ZCCHC14: variants seen among roughly 807,000 people sequenced by gnomAD.
The protein encoded by ZCCHC14 is zinc finger CCHC-type containing 14, also known as zinc finger CCHC domain-containing protein 14.
In ZCCHC14, 16 loss-of-function variants were observed where a neutral mutation model predicts 85.0. The observed-to-expected ratio is 0.19, with a 90% CI of 0.13 to 0.29. ZCCHC14 has a LOEUF of 0.29. Among genes scored for constraint, ZCCHC14 ranks in the 10% least tolerant of loss-of-function variants. ZCCHC14 has a pLI of 1.00. For synonymous variants in ZCCHC14, 775 were observed against 630.7 expected, an observed-to-expected ratio of 1.23 and a Z score of -3.43; for missense variants, 1,303 against 1,443.5, an observed-to-expected ratio of 0.90 and a Z score of 1.58.
At chr16:87,448,438 A>G (rs2150749562) in intron 2 of ZCCHC14, among the ~76,000 whole-genome samples, 1 of 152,264 alleles carries the variant, frequency 6.6e-6, no homozygotes, top group Admixed American at 6.5e-5. Flanking sequence ...CTCAGCACTC[A>G]GTCTGCCCTT....
At chr16:87,459,643 G>A (rs998031044) in intron 2 of ZCCHC14, among the ~76,000 whole-genome samples, 13 of 151,970 alleles carry the variant, frequency 8.6e-5, no homozygotes, top group African/African-American at 3.1e-4. Flanking sequence ...CCGAGTAGCT[G>A]GGATTACAGA....
In ZCCHC14 at chr16:87,407,367, CTT is replaced by C. The variant is rs1197895505; in HGVS notation, c.*2911_*2912del. ...ATATGCATTCAAGAAAATATTTTGT[CTT>C]TATTTTTATTACAAGTGCGCTAGCT... On this transcript the variant is annotated 3_prime_UTR_variant, in exon 13 of 13. Coordinates refer to ENST00000671377, the MANE Select transcript of ZCCHC14 (RefSeq NM_015144.3). 6.6e-6 allele frequency: 1 copy of C among 152,172 alleles called. No homozygotes were observed. The highest frequency in any genetic ancestry group is 1.5e-5 in the Non-Finnish European group (1 of 68,018). 9.4% of individuals were successfully genotyped at this position (152,172 alleles called of 1,614,324 possible). A position where few individuals can be genotyped will look rare whatever the true frequency, so the allele number is the denominator to read the frequency against.
chr16:87,426,264 G>A (rs1406794667), intron 3 of ZCCHC14, among the ~76,000 whole-genome samples: 1 of 152,198 alleles, frequency 6.6e-6, no homozygotes, highest in Admixed American at 6.5e-5. Flanking sequence ...GGCGGGAAGA[G>A]CATCCTCTTG....
chr16:87,461,422 C>T (rs926150188), intron 1 of ZCCHC14, among the ~76,000 whole-genome samples: 1 of 152,162 alleles, frequency 6.6e-6, no homozygotes, highest in South Asian at 2.1e-4. Flanking sequence ...TTCAAAATTT[C>T]GGAGGATATG....
At chr16:87,427,901 G>A (rs1909456721) in intron 3 of ZCCHC14, among the ~76,000 whole-genome samples, 3 of 151,700 alleles carry the variant, frequency 2.0e-5, no homozygotes, top group Non-Finnish European at 2.9e-5. Context: ...CACAGTGCTG[G>A]GATTTACAGG....
chr16:87,412,057 G>A lies in ZCCHC14; in HGVS notation c.2664C>T (p.Gly888=). ...SSFYSSSGGG[G]STGNIPASNP... Reference sequence around the variant, plus strand: ...TCGAGGCAGGAATGTTTCCTGTGGAGCCGCCACCGCCACTGCTGCTATAGA... The same window carrying A: ...TCGAGGCAGGAATGTTTCCTGTGGAACCGCCACCGCCACTGCTGCTATAGA... The change falls in exon 12 of 13, where the codon GGC becomes GGT. Residue 888 remains glycine (G), a synonymous_variant. Transcript: ENST00000671377. 1 of 1,610,086 alleles carries A rather than the reference G, an allele frequency of 6.2e-7. No individual in the cohort carries two copies. The highest frequency in any genetic ancestry group is 1.1e-5 in the South Asian group (1 of 91,084).
Position 87,412,208 on chromosome 16 carries a change from C to A in ZCCHC14, c.2513G>T (p.Cys838Phe). The change falls in exon 12 of 13, where the codon TGT becomes TTT. Residue 838 changes from cysteine (C) to phenylalanine (F), a missense_variant. Physicochemically the swap from Cys to Phe is radical, Grantham distance 205. Around this residue, in one of 7 missense-constraint regions of ZCCHC14, gnomAD observed 797 missense variants for 730.8 expected, o/e 1.09. Transcript: ENST00000671377. The stretch of plus-strand genomic sequence containing the variant: ...GGGAGAGGCAGTGTTGCTGTTTGCA[C>A]AGAAGCCACCCTGCAGGGGGCCCAC... ...MPVGPLQGGF[C>F]ANSNTASPSS... 1 of 1,614,000 alleles carries A rather than the reference C, an allele frequency of 6.2e-7. No homozygotes were observed.
chr16:87,481,227 A>G (rs1159625557), intron 1 of ZCCHC14, among the ~76,000 whole-genome samples: 1 of 152,122 alleles, frequency 6.6e-6, no homozygotes, highest in East Asian at 1.9e-4. Context: ...CATCAGTGTT[A>G]TTTCTAAAAA....
intron 1 of ZCCHC14, among the ~76,000 whole-genome samples, chr16:87,477,151 A>AAAC (rs1912054945): frequency 7.0e-6 from 1 of 142,184 alleles, no homozygotes; most frequent in African/African-American, 2.9e-5. Context: ...ACAAAACAAA[A>AAAC]CCAAAAAAAA....
At chr16:87,470,855 A>G (rs995746822) in intron 1 of ZCCHC14, 2 of 152,230 alleles carry the variant, frequency 1.3e-5, no homozygotes, top group African/African-American at 4.8e-5. Flanking sequence ...ACTAGCATTT[A>G]TCTCTGGGTA....
At chr16:87,424,278 G>C (rs1157824745) in intron 3 of ZCCHC14, among the ~76,000 whole-genome samples, 1 of 152,136 alleles carries the variant, frequency 6.6e-6, no homozygotes, top group Non-Finnish European at 1.5e-5. Context: ...GCAGCCCTTC[G>C]ACCACCGGTA....
intron 1 of ZCCHC14, among the ~76,000 whole-genome samples, chr16:87,484,886 G>T (rs1277216503): frequency 4.6e-5 from 7 of 152,100 alleles, no homozygotes; most frequent in Non-Finnish European, 8.8e-5. Context: ...ATTGAAGGAG[G>T]GAGATAGAAA....
intron 2 of ZCCHC14, among the ~76,000 whole-genome samples, chr16:87,453,583 G>C (rs942057116): frequency 6.6e-6 from 1 of 152,210 alleles, no homozygotes; most frequent in African/African-American, 2.4e-5. Flanking sequence ...CCACGGTGGA[G>C]GGCCGACTTC....
rs1235546513 is a variant in ZCCHC14, at chr16:87,492,914, G to GCGGCGGCGACGGCGA, written c.-691_-677dup. On this transcript the variant is annotated 5_prime_UTR_variant, in exon 1 of 13. Transcript: ENST00000671377. The surrounding 1 kb of genome is among the most constrained non-coding windows in gnomAD (Gnocchi z 6.7). ...GACGGATCCGGGCCCGAGCGCGGCGGCGGCGGCGACGGCGACGGCGACGGC... is the reference window on the plus strand; with the variant it reads ...GACGGATCCGGGCCCGAGCGCGGCGGCGGCGGCGACGGCGACGGCGGCGACGGCGACGGCGACGGC... Among the ~76,000 whole-genome samples the GCGGCGGCGACGGCGA allele has an allele frequency of 2.1e-5, 3 of 142,620 alleles. No homozygotes were observed. Among genetic ancestry groups the GCGGCGGCGACGGCGA allele is most frequent in the Non-Finnish European group, 4.5e-5 (3 of 66,914 alleles). The allele number at this position is 142,620 out of a possible 152,430, so 93.6% of individuals were successfully genotyped here. A position where few individuals can be genotyped will look rare whatever the true frequency, so the allele number is the denominator to read the frequency against.
chr16:87,411,656 A>G lies in ZCCHC14; in HGVS notation c.3065T>C (p.Val1022Ala), dbSNP rs762012615. 1 of 1,613,520 alleles carries G rather than the reference A, an allele frequency of 6.2e-7. No individual in the cohort carries two copies. Among genetic ancestry groups the G allele is most frequent in the East Asian group, 2.2e-5 (1 of 44,824 alleles). ...GCCCACCAGTCCTTGGGTCTGGTAC[A>G]CCCCTGCTGTCCCTGCCATGAAGTT... ...MQNFMAGTAG[V>A]YQTQGLVGSS... Residue 1022 changes from valine to alanine, a missense_variant, in exon 12 of 13, where the codon GTG (valine) becomes GCG (alanine). Transcript: ENST00000671377.
At chr16:87,428,841 TC>T (rs2150734861) in intron 3 of ZCCHC14, among the ~76,000 whole-genome samples, 1 of 152,360 alleles carries the variant, frequency 6.6e-6, no homozygotes, top group South Asian at 2.1e-4. Flanking sequence ...AACACGAGAT[TC>T]GTGCATATGG....
In ZCCHC14 at chr16:87,420,063, A is replaced by G. The variant is rs995815110; in HGVS notation, c.951-186T>C. Among the ~76,000 whole-genome samples the G allele has an allele frequency of 6.6e-6, 1 of 152,204 alleles. No individual in the cohort carries two copies. The highest frequency in any genetic ancestry group is 2.4e-5 in the African/African-American group (1 of 41,452). On this transcript the variant is annotated intron_variant, in intron 5 of 12. Coordinates refer to ENST00000671377, the MANE Select transcript of ZCCHC14 (RefSeq NM_015144.3). The surrounding 1 kb of genome is among the most constrained non-coding windows in gnomAD (Gnocchi z 5.0). ...CTTGCCCGACTGCCACTGCTTCTTC[A>G]AGCCCTTCCTCTCAATGCTGTATTC...
At chr16:87,444,380 G>C (rs148351041) in intron 2 of ZCCHC14, among the ~76,000 whole-genome samples, 1 of 152,180 alleles carries the variant, frequency 6.6e-6, no homozygotes, top group Admixed American at 6.5e-5. Flanking sequence ...CAACATCAGA[G>C]TAACGACATT....
In ZCCHC14 at chr16:87,489,921, T is replaced by C. The variant is rs191670152; in HGVS notation, c.570+1748A>G. 3.3e-3 allele frequency among the ~76,000 whole-genome samples: 501 copies of C among 151,458 alleles called. 4 individuals carry two copies. Among genetic ancestry groups the C allele is most frequent in the Middle Eastern group, 0.014 (4 of 294 alleles). ...TAGCAACAGCCATAGAAATTATTAG[T>C]GGGTGGAATCTACACAAAGGAGTAA... On this transcript the variant is annotated intron_variant, in intron 1 of 12. Coordinates refer to ENST00000671377, the MANE Select transcript of ZCCHC14 (RefSeq NM_015144.3).
Sources: gnomAD v4.1 joint callset for allele counts (sites outside exome capture counted in the v4.1 genomes callset) on GRCh38, gnomAD v4.1.1 for gene constraint, gnomAD v4.1.1 regional missense constraint, Gnocchi (gnomAD v3.1) non-coding constraint, MANE v1.5 for transcripts, NCBI Gene and HGNC (gene_info 2026-07-23, HGNC 2026-07-21) for gene names.